Variants in ELAPOR1 observed in about 807,000 individuals in gnomAD.
ELAPOR1 encodes endosome/lysosome-associated apoptosis and autophagy regulator 1.
In ELAPOR1, 77 loss-of-function variants were observed where a neutral mutation model predicts 119.7. The observed-to-expected ratio is 0.64, with a 90% CI of 0.54 to 0.78. The LOEUF (loss-of-function observed/expected upper bound fraction) is 0.78, where lower values mean the gene tolerates loss of function less well. Ranked by LOEUF, ELAPOR1 falls within the 30% of genes least tolerant of loss-of-function variation. The pLI is 0.00. For synonymous variants in ELAPOR1, 481 were observed against 487.2 expected (o/e 0.99, Z 0.17); for missense variants, 1,115 against 1,270.4 (o/e 0.88, Z 1.86).
chr1:109,179,159 G>T (rs1323717315), intron 7 of ELAPOR1, among the ~76,000 whole-genome samples: 1 of 151,988 alleles, frequency 6.6e-6, no homozygotes, highest in African/African-American at 2.4e-5. Context: ...CTACCACTTT[G>T]GGAGGCCAGG....
At chr1:109,189,511 T>A in intron 10 of ELAPOR1, 81 bp from the exon 11 acceptor site, 1 of 1,276,674 alleles carries the variant, frequency 7.8e-7, no homozygotes, top group Non-Finnish European at 1.1e-6. Context: ...GTGTCAAACC[T>A]CCCTTCCAGA....
At chr1:109,151,832 C>T (rs1470522813) in intron 1 of ELAPOR1, among the ~76,000 whole-genome samples, 1 of 151,372 alleles carries the variant, frequency 6.6e-6, no homozygotes, top group Admixed American at 6.6e-5. Flanking sequence ...CTCTGCTATA[C>T]CCAGCTCCAG....
At chr1:109,163,967 G>T (rs961437403) in intron 2 of ELAPOR1, among the ~76,000 whole-genome samples, 3 of 152,162 alleles carry the variant, frequency 2.0e-5, no homozygotes, top group Non-Finnish European at 1.5e-5. Flanking sequence ...CCTCTCCAAA[G>T]GAAACGAGTG....
intron 2 of ELAPOR1, among the ~76,000 whole-genome samples, chr1:109,162,367 A>G (rs1421213596): frequency 2.0e-5 from 3 of 152,226 alleles, no homozygotes; most frequent in Non-Finnish European, 4.4e-5. Context: ...ACCAGCCACA[A>G]TCAGTCATTA....
At chr1:109,156,450 T>C (rs894522932) in intron 1 of ELAPOR1, among the ~76,000 whole-genome samples, 1 of 151,902 alleles carries the variant, frequency 6.6e-6, no homozygotes, top group African/African-American at 2.4e-5. Flanking sequence ...AGAACTGTCT[T>C]ACAAAATTGA....
chr1:109,191,705 A>G lies in ELAPOR1; in HGVS notation c.1546-21A>G, dbSNP rs372717835. ...CCCCTCTGGCCATCGCACCCGCTTC[A>G]CTTGTCTGTCCTGGGTTCAGGGTGT... On this transcript the variant is annotated intron_variant, in intron 12 of 21. Coordinates refer to ENST00000369939, the MANE Select transcript of ELAPOR1 (RefSeq NM_020775.5). 7.4e-6 allele frequency: 12 copies of G among 1,613,730 alleles called. No homozygotes were observed. In the East Asian group the frequency reaches 2.2e-4, roughly 30 times the overall value.
intron 16 of ELAPOR1, 32 bp from the exon 17 acceptor site, chr1:109,197,947 G>A (rs757334116): frequency 2.5e-5 from 40 of 1,569,600 alleles, no homozygotes; most frequent in Non-Finnish European, 2.6e-5. Context: ...AATGCTACTA[G>A]TGAGAACTAA....
chr1:109,199,555 A>G (rs1351848032), intron 18 of ELAPOR1, among the ~76,000 whole-genome samples: 1 of 150,868 alleles, frequency 6.6e-6, no homozygotes, highest in South Asian at 2.1e-4. Flanking sequence ...AGGAACCTCA[A>G]AGGGGTTGAT....
At chr1:109,119,135 G>T (rs564739212) in intron 1 of ELAPOR1, among the ~76,000 whole-genome samples, 6 of 151,616 alleles carry the variant, frequency 4.0e-5, no homozygotes, top group Non-Finnish European at 7.4e-5. Flanking sequence ...GACCTCAGGC[G>T]ATCTGCCCGC....
chr1:109,134,946 C>T (rs1191039379), intron 1 of ELAPOR1, among the ~76,000 whole-genome samples: 1 of 152,154 alleles, frequency 6.6e-6, no homozygotes, highest in Non-Finnish European at 1.5e-5. Flanking sequence ...TAAAAAAAAT[C>T]ATGGGATCAT....
chr1:109,121,694 A>T (rs1403092433), intron 1 of ELAPOR1, among the ~76,000 whole-genome samples: 1 of 152,144 alleles, frequency 6.6e-6, no homozygotes, highest in Non-Finnish European at 1.5e-5. Context: ...AGCCTTGTGA[A>T]ATTTAGACAA....
intron 1 of ELAPOR1, among the ~76,000 whole-genome samples, chr1:109,131,380 G>T (rs1454066051): frequency 6.6e-6 from 1 of 152,190 alleles, no homozygotes; most frequent in Non-Finnish European, 1.5e-5. Context: ...GCACCTTCCA[G>T]GGGAGGAGGA....
intron 1 of ELAPOR1, among the ~76,000 whole-genome samples, chr1:109,128,658 C>T (rs1390658869): frequency 2.0e-5 from 3 of 152,212 alleles, no homozygotes; most frequent in East Asian, 1.9e-4. Flanking sequence ...TAAAGGAAAC[C>T]TGTGCCATTG....
intron 1 of ELAPOR1, among the ~76,000 whole-genome samples, chr1:109,133,988 T>A (rs921313913): frequency 1.3e-5 from 2 of 152,130 alleles, no homozygotes; most frequent in East Asian, 3.8e-4. Context: ...CTGTTCCCAG[T>A]GATGTTGCGC....
intron 9 of ELAPOR1, 124 bp downstream of exon 9, chr1:109,188,478 C>T: frequency 9.0e-7 from 1 of 1,109,688 alleles, no homozygotes; most frequent in Middle Eastern, 3.0e-4. Context: ...GGAATAAGGA[C>T]CAGGCCACCT....
At chr1:109,165,228 G>A (rs1190230311) in intron 3 of ELAPOR1, among the ~76,000 whole-genome samples, 1 of 152,046 alleles carries the variant, frequency 6.6e-6, no homozygotes, top group Admixed American at 6.6e-5. Flanking sequence ...GGAGTTCAAG[G>A]TTAGACTGAG....
At chr1:109,116,680 CTTTTTTTTTT>C (rs71069649) in intron 1 of ELAPOR1, among the ~76,000 whole-genome samples, 5 of 96,870 alleles carry the variant, frequency 5.2e-5, no homozygotes, top group East Asian at 2.4e-4. Context: ...CTTCTCTGTT[CTTTTTTTTTT>C]TTTTTTTTTT....
chr1:109,164,514 C>CCGG lies in ELAPOR1; in HGVS notation c.291_293dup (p.Gly98dup), dbSNP rs772700120. ...TGTTTTCCAGCCTTCTCCTGCAACG[C>CCGG]CGGGGAGTTTCTGGATATGAAGGAC... On this transcript the variant is annotated inframe_insertion, in exon 3 of 22. Coordinates refer to ENST00000369939, the MANE Select transcript of ELAPOR1 (RefSeq NM_020775.5). 3.7e-6 allele frequency: 6 copies of CCGG among 1,611,824 alleles called. No homozygotes were observed. In the South Asian group the frequency reaches 6.6e-5, roughly 18 times the overall value.
chr1:109,174,306 G>A (rs1419213391), intron 7 of ELAPOR1, among the ~76,000 whole-genome samples: 1 of 148,884 alleles, frequency 6.7e-6, no homozygotes, highest in Non-Finnish European at 1.5e-5. Flanking sequence ...TCAGCACTTT[G>A]GGAGGTCAAA....
Sources: allele counts gnomAD v4.1 joint callset (sites outside exome capture counted in the v4.1 genomes callset), GRCh38; gene constraint gnomAD v4.1.1; transcripts MANE v1.5; gene names NCBI Gene and HGNC (gene_info 2026-07-23, HGNC 2026-07-21).